The following CNKSR3 variants were observed in gnomAD, a reference collection of about 807,000 sequenced individuals.
The protein encoded by CNKSR3 is CNKSR family member 3.
In CNKSR3, 36 loss-of-function variants were observed where a neutral mutation model predicts 67.7. The ratio of observed to expected loss-of-function variants is 0.53; its 90% confidence interval spans 0.41 to 0.70. The LOEUF (loss-of-function observed/expected upper bound fraction) is 0.70, where lower values mean the gene tolerates loss of function less well. CNKSR3 is among the 30% of genes least tolerant of loss of function. The pLI is 0.00. For missense variants in CNKSR3, 630 were observed against 695.2 expected, an observed-to-expected ratio of 0.91 and a Z score of 1.05; for synonymous variants, 281 against 271.4, an observed-to-expected ratio of 1.04 and a Z score of -0.35.
chr6:154,473,086 G>C (rs1786366004), intron 1 of CNKSR3, among the ~76,000 whole-genome samples: 1 of 152,176 alleles, frequency 6.6e-6, no homozygotes, highest in African/African-American at 2.4e-5. Context: ...AGTCCCCAAA[G>C]AACCCTCCGT....
chr6:154,428,208 A>G, intron 6 of CNKSR3, 21 bp from the exon 7 acceptor site: 2 of 1,529,390 alleles, frequency 1.3e-6, no homozygotes, highest in Non-Finnish European at 1.8e-6. Flanking sequence ...TCACAAATAG[A>G]TTAACTCATT....
rs114192265 is a variant in CNKSR3 at position 154,480,488 on chromosome 6, G to A, written c.52+29575C>T. The stretch of plus-strand genomic sequence containing the variant: ...GGCAGGTAAAGCCTTTGAGAGCGGC[G>A]GAGTCTCATGAGCAGGATGGATACA... On this transcript the variant is annotated intron_variant, in intron 1 of 12. Coordinates refer to ENST00000607772, the MANE Select transcript of CNKSR3 (RefSeq NM_173515.4). 7.2e-4 allele frequency among the ~76,000 whole-genome samples: 110 copies of A among 152,272 alleles called. 1 individual carries two copies. The highest frequency in any genetic ancestry group is 2.6e-3 in the African/African-American group (107 of 41,548).
At chr6:154,413,822 A>T (rs1257877023) in intron 10 of CNKSR3, among the ~76,000 whole-genome samples, 1 of 152,070 alleles carries the variant, frequency 6.6e-6, no homozygotes, top group Admixed American at 6.6e-5. Flanking sequence ...AACTCTGCTC[A>T]CTGCAACCTC....
Position 154,391,959 on chromosome 6 carries a change from C to T in CNKSR3, c.*14395G>A, listed in dbSNP as rs993424161. The T allele has an allele frequency of 6.6e-6, 1 of 152,172 alleles. No homozygotes were observed. The highest frequency in any genetic ancestry group is 2.4e-5 in the African/African-American group (1 of 41,426). 9.4% of individuals were successfully genotyped at this position (152,172 alleles called of 1,614,324 possible). A position where few individuals can be genotyped will look rare whatever the true frequency, so the allele number is the denominator to read the frequency against. On this transcript the variant is annotated 3_prime_UTR_variant, in exon 13 of 13. Transcript: ENST00000607772. ...GGGCATGGTGGCTCATGCCTGTAAT[C>T]CCAGCACTTTGGAAGGCTGAGGCAG...
rs755910078 is a variant in CNKSR3 at position 154,510,042 on chromosome 6, AC to A, written c.52+20del. On this transcript the variant is annotated intron_variant, in intron 1 of 12. Transcript: ENST00000607772. Reference sequence around the variant, plus strand: ...CATCCCCGAGGCTGGAGGACTCCGGACCCCCCCAAGGCCCGCGCACCTCTAG... The same window carrying A: ...CATCCCCGAGGCTGGAGGACTCCGGACCCCCCAAGGCCCGCGCACCTCTAG... 32 of 1,612,350 alleles carry A rather than the reference AC, an allele frequency of 2.0e-5. No homozygotes were observed. In the East Asian group the frequency reaches 4.9e-4, roughly 25 times the overall value.
intron 6 of CNKSR3, among the ~76,000 whole-genome samples, chr6:154,429,386 C>A (rs1336011212): frequency 2.0e-5 from 3 of 152,140 alleles, no homozygotes; most frequent in Admixed American, 6.5e-5. Flanking sequence ...ATTATATCAG[C>A]TTCTCCTCTA....
intron 1 of CNKSR3, among the ~76,000 whole-genome samples, chr6:154,490,982 G>C (rs572538672): frequency 2.8e-4 from 43 of 152,042 alleles, no homozygotes; most frequent in Middle Eastern, 3.4e-3. Context: ...TGAGTAGCTG[G>C]GATTACAAGC....
chr6:154,509,839 G>A (rs1787178202), intron 1 of CNKSR3, among the ~76,000 whole-genome samples: 1 of 152,178 alleles, frequency 6.6e-6, no homozygotes, highest in Non-Finnish European at 1.5e-5. Context: ...TTTAAAGATA[G>A]GGCTCCCCTC....
chr6:154,423,480 A>T (rs1785189587), intron 7 of CNKSR3, among the ~76,000 whole-genome samples: 1 of 151,942 alleles, frequency 6.6e-6, no homozygotes, highest in Non-Finnish European at 1.5e-5. Context: ...CTGGTCTCGA[A>T]CTCCCAACTT....
At position 154,442,085 on chromosome 6, in the gene CNKSR3, T is replaced by C; in HGVS notation, c.419+3A>G. On this transcript the variant is annotated splice_donor_region_variant and intron_variant, in intron 3 of 12. Transcript: ENST00000607772. ...GGCAGTAAAAGGCACATCTCCAACT[T>C]ACCGGTCCAGCCACGCCAGCAGGGC... 1 of 1,599,610 alleles carries C rather than the reference T, an allele frequency of 6.3e-7. No individual in the cohort carries two copies.
At chr6:154,415,113 A>AC (rs1562321182) in intron 9 of CNKSR3, among the ~76,000 whole-genome samples, 19 of 150,594 alleles carry the variant, frequency 1.3e-4, no homozygotes, top group Middle Eastern at 3.4e-3. Context: ...AAAAAAAAAA[A>AC]AAAAAAAAAC....
In CNKSR3 at chr6:154,467,345, C is replaced by T. The variant is rs148678679; in HGVS notation, c.53-17087G>A. On this transcript the variant is annotated intron_variant, in intron 1 of 12. Coordinates refer to ENST00000607772, the MANE Select transcript of CNKSR3 (RefSeq NM_173515.4). ...AAACAAAGAATTTATTCCATCTAAA[C>T]CAACTTATATTTATTTAGCCAGGAC... Among the ~76,000 whole-genome samples the T allele has an allele frequency of 2.2e-3, 336 of 152,272 alleles. 3 individuals are homozygous for T. The highest frequency in any genetic ancestry group is 7.5e-3 in the African/African-American group (313 of 41,542).
intron 5 of CNKSR3, among the ~76,000 whole-genome samples, chr6:154,433,240 AAC>A (rs1184301050): frequency 1.3e-5 from 2 of 152,254 alleles, no homozygotes; most frequent in African/African-American, 4.8e-5. Context: ...AAAAAAATAA[AAC>A]AGAGACTCGA....
At chr6:154,509,924 G>A in intron 1 of CNKSR3, 139 bp downstream of exon 1, 1 of 905,130 alleles carries the variant, frequency 1.1e-6, no homozygotes, top group Non-Finnish European at 1.8e-6. Context: ...CAGGCCACTC[G>A]GCAGAAGTTT....
chr6:154,481,728 G>A (rs555718161), intron 1 of CNKSR3, among the ~76,000 whole-genome samples: 1 of 152,314 alleles, frequency 6.6e-6, no homozygotes, highest in South Asian at 2.1e-4. Context: ...TGAAAAAAAT[G>A]AGTGACAGCA....
At chr6:154,433,748 A>G in intron 4 of CNKSR3, 1 of 406,782 alleles carries the variant, frequency 2.5e-6, no homozygotes, top group Non-Finnish European at 4.4e-6. Flanking sequence ...CAAGGAACCC[A>G]CTTGGCCAAT....
intron 11 of CNKSR3, among the ~76,000 whole-genome samples, 182 bp downstream of exon 11, chr6:154,410,752 C>T (rs1274881336): frequency 6.6e-6 from 1 of 152,052 alleles, no homozygotes; most frequent in African/African-American, 2.4e-5. Flanking sequence ...AGTAATGACT[C>T]AACAAGGATC....
At chr6:154,428,686 TTA>T (rs1373364020) in intron 6 of CNKSR3, among the ~76,000 whole-genome samples, 2 of 108,732 alleles carry the variant, frequency 1.8e-5, no homozygotes, top group African/African-American at 6.8e-5. Flanking sequence ...ACCCAGCTAA[TTA>T]TTTTTTTTTT....
Position 154,406,297 on chromosome 6 carries a change from T to C in CNKSR3, c.*57A>G. ...GCTGAAACGAGAAGAGGCTGTCCAC[T>C]GTAAAAGCAAGGCACTTGGGGCAGG... is the stretch of plus-strand genomic sequence containing the variant. On this transcript the variant is annotated 3_prime_UTR_variant, in exon 13 of 13. Transcript: ENST00000607772. The C allele has an allele frequency of 6.6e-7, 1 of 1,509,258 alleles. No homozygotes were observed. The highest frequency in any genetic ancestry group is 9.0e-7 in the Non-Finnish European group (1 of 1,112,050). 93.5% of individuals were successfully genotyped at this position (1,509,258 alleles called of 1,614,324 possible). A position where few individuals can be genotyped will look rare whatever the true frequency, so the allele number is the denominator to read the frequency against.
Sources: allele counts gnomAD v4.1 joint callset (sites outside exome capture counted in the v4.1 genomes callset), GRCh38; gene constraint gnomAD v4.1.1; transcripts MANE v1.5; gene names NCBI Gene and HGNC (gene_info 2026-07-23, HGNC 2026-07-21).